Variants in TAFA1 observed in about 807,000 individuals in gnomAD.
TAFA1 encodes chemokine-like protein TAFA-1.
In TAFA1, 4 loss-of-function variants were observed where a neutral mutation model predicts 18.5. That is an observed-to-expected ratio of 0.22 (90% CI 0.11 to 0.49). The LOEUF is 0.49. Among genes scored for constraint, TAFA1 ranks in the 20% least tolerant of loss-of-function variants. The pLI is 0.98. For synonymous variants in TAFA1, 56 were observed against 55.2 expected, an observed-to-expected ratio of 1.01 and a Z score of -0.06; for missense variants, 147 against 169.0, an observed-to-expected ratio of 0.87 and a Z score of 0.72.
chr3:68,175,624 C>A (rs1010197553), intron 2 of TAFA1, among the ~76,000 whole-genome samples: 4 of 152,196 alleles, frequency 2.6e-5, no homozygotes, highest in African/African-American at 9.6e-5. Context: ...TACCCAACGC[C>A]TGTTTACCTG....
chr3:68,427,601 G>A (rs1267834769), intron 3 of TAFA1, among the ~76,000 whole-genome samples: 1 of 151,760 alleles, frequency 6.6e-6, no homozygotes, highest in Non-Finnish European at 1.5e-5. Context: ...AAAAATTAAT[G>A]ATATATATGT....
chr3:68,278,199 C>T (rs1559596179), intron 2 of TAFA1, among the ~76,000 whole-genome samples: 2 of 152,052 alleles, frequency 1.3e-5, no homozygotes, highest in Admixed American at 1.3e-4. Flanking sequence ...TTCATTCACA[C>T]CGACAATGGA....
intron 3 of TAFA1, among the ~76,000 whole-genome samples, chr3:68,478,894 C>T (rs1052517536): frequency 1.4e-5 from 2 of 146,130 alleles, no homozygotes; most frequent in East Asian, 4.0e-4. Flanking sequence ...GTCACATATA[C>T]ATTTTTATGT....
chr3:68,264,705 TATAG>T (rs927895195), intron 2 of TAFA1, among the ~76,000 whole-genome samples: 1 of 109,172 alleles, frequency 9.2e-6, no homozygotes, highest in Non-Finnish European at 1.9e-5. Flanking sequence ...AGAAAGTATA[TATAG>T]ATAATTTCTA....
Position 68,545,166 on chromosome 3 carries a change from T to TAGTCATAC in TAFA1, c.*664_*671dup, listed in dbSNP as rs1218217306. 1 of 152,592 alleles carries TAGTCATAC rather than the reference T, an allele frequency of 6.6e-6. No individual in the cohort carries two copies. Among genetic ancestry groups the TAGTCATAC allele is most frequent in the Non-Finnish European group, 1.5e-5 (1 of 68,022 alleles). The allele number at this position is 152,592 out of a possible 1,614,324, so 9.5% of individuals were successfully genotyped here. ...TATTAGCATGCAAGCTTGGCTTACA[T>TAGTCATAC]AGTCATACTTTATATTCAATTGATA... On this transcript the variant is annotated 3_prime_UTR_variant, in exon 5 of 5. Transcript: ENST00000478136.
chr3:68,306,618 T>C (rs1460993237), intron 2 of TAFA1, among the ~76,000 whole-genome samples: 6 of 152,194 alleles, frequency 3.9e-5, no homozygotes, highest in Admixed American at 3.9e-4. Flanking sequence ...CTCCACCTCC[T>C]GGATGGATCT....
intron 2 of TAFA1, among the ~76,000 whole-genome samples, chr3:68,287,049 C>T (rs1255881698): frequency 1.3e-5 from 2 of 152,180 alleles, no homozygotes; most frequent in Non-Finnish European, 2.9e-5. Context: ...ACAGTCAGTT[C>T]TCAGGCCTAG....
intron 2 of TAFA1, among the ~76,000 whole-genome samples, chr3:68,190,728 G>T (rs1034433359): frequency 6.6e-6 from 1 of 151,790 alleles, no homozygotes; most frequent in Non-Finnish European, 1.5e-5. Context: ...TGTGAGAACA[G>T]AATAGGAAAT....
chr3:68,406,645 C>T (rs1404205986), intron 2 of TAFA1, among the ~76,000 whole-genome samples: 1 of 152,156 alleles, frequency 6.6e-6, no homozygotes, highest in Non-Finnish European at 1.5e-5. Flanking sequence ...CTACATCAAG[C>T]AAGCAAATTT....
At chr3:68,375,866 A>G (rs1396461717) in intron 2 of TAFA1, among the ~76,000 whole-genome samples, 2 of 152,162 alleles carry the variant, frequency 1.3e-5, no homozygotes, top group East Asian at 3.9e-4. Flanking sequence ...GGGAAAGAAA[A>G]CCTCTGATTT....
chr3:68,236,127 T>A (rs1246673429), intron 2 of TAFA1, among the ~76,000 whole-genome samples: 2 of 152,142 alleles, frequency 1.3e-5, no homozygotes, highest in African/African-American at 2.4e-5. Flanking sequence ...TTATACAAAG[T>A]TGATGCTCAA....
chr3:68,486,603 CT>C (rs1310363918), intron 3 of TAFA1, among the ~76,000 whole-genome samples: 1 of 152,160 alleles, frequency 6.6e-6, no homozygotes, highest in Non-Finnish European at 1.5e-5. Flanking sequence ...ACTCATCTTT[CT>C]AACAGGGTAG....
At chr3:68,141,165 G>A (rs867462489) in intron 2 of TAFA1, among the ~76,000 whole-genome samples, 1 of 152,118 alleles carries the variant, frequency 6.6e-6, no homozygotes, top group Admixed American at 6.6e-5. Flanking sequence ...CGGGTGCCAC[G>A]GGTCAATGGT....
intron 2 of TAFA1, among the ~76,000 whole-genome samples, chr3:68,091,866 C>A (rs1285452782): frequency 6.6e-6 from 1 of 152,074 alleles, no homozygotes; most frequent in African/African-American, 2.4e-5. Context: ...ATTTTCCAGG[C>A]CACAAAAAAT....
At chr3:68,299,984 C>A (rs1474641042) in intron 2 of TAFA1, among the ~76,000 whole-genome samples, 1 of 152,210 alleles carries the variant, frequency 6.6e-6, no homozygotes, top group Non-Finnish European at 1.5e-5. Context: ...TCATGGAGAA[C>A]CTCTGCTAAG....
At chr3:68,327,954 T>C (rs2068803628) in intron 2 of TAFA1, among the ~76,000 whole-genome samples, 3 of 152,080 alleles carry the variant, frequency 2.0e-5, no homozygotes, top group African/African-American at 7.2e-5. Flanking sequence ...ATGGAGAAAA[T>C]TTTAATGGAG....
chr3:68,451,572 C>G (rs1575878909), intron 3 of TAFA1, among the ~76,000 whole-genome samples: 1 of 152,120 alleles, frequency 6.6e-6, no homozygotes, highest in Non-Finnish European at 1.5e-5. Context: ...TGTCATCTTC[C>G]CCTTCCATCT....
At chr3:68,386,946 G>A (rs2070117682) in intron 2 of TAFA1, among the ~76,000 whole-genome samples, 2 of 152,082 alleles carry the variant, frequency 1.3e-5, no homozygotes, top group Admixed American at 1.3e-4. Flanking sequence ...TCTCTTGTGT[G>A]TATTGGTTTG....
intron 4 of TAFA1, 47 bp downstream of exon 4, chr3:68,538,927 T>A: frequency 6.2e-7 from 1 of 1,601,270 alleles, no homozygotes; most frequent in Non-Finnish European, 8.5e-7. Context: ...CAGACTGTAC[T>A]ATTTGAGTTT....
Sources: allele counts gnomAD v4.1 joint callset (sites outside exome capture counted in the v4.1 genomes callset), GRCh38; gene constraint gnomAD v4.1.1; transcripts MANE v1.5; gene names NCBI Gene and HGNC (gene_info 2026-07-23, HGNC 2026-07-21).